Variants in TINAGL1 observed in about 807,000 individuals in gnomAD.
TINAGL1 encodes tubulointerstitial nephritis antigen like 1.
TINAGL1 carries 34 observed loss-of-function variants against 62.0 expected under a neutral mutation model. The ratio of observed to expected loss-of-function variants is 0.55; its 90% CI spans 0.42 to 0.73. The LOEUF (loss-of-function observed/expected upper bound fraction) is 0.73, where lower values mean the gene tolerates loss of function less well. Ranked by LOEUF, TINAGL1 falls within the 30% of genes least tolerant of loss-of-function variation. The pLI is 0.00. For synonymous variants in TINAGL1, 221 were observed against 249.7 expected (o/e 0.88, Z 1.08); for missense variants, 516 against 653.2 (o/e 0.79, Z 2.29).
At position 31,584,514 on chromosome 1, in the gene TINAGL1, C is replaced by T; in HGVS notation, c.583-164C>T. ...AGGCACTAAATGGTGCTTGGTTCTT[C>T]AACACAAGTCAAAATTGGAGGCAGC... On this transcript the variant is annotated intron_variant, in intron 5 of 11. Transcript: ENST00000271064. This position sits in a 1 kb window ranked among gnomAD's most constrained non-coding sequence, Gnocchi z 4.0. 9.1e-7 allele frequency: 1 copy of T among 1,095,142 alleles called. No homozygotes were observed. Among genetic ancestry groups the T allele is most frequent in the Non-Finnish European group, 1.3e-6 (1 of 767,224 alleles). The allele number at this position is 1,095,142 out of a possible 1,614,324, so 67.8% of individuals were successfully genotyped here. A position where few individuals can be genotyped will look rare whatever the true frequency, so the allele number is the denominator to read the frequency against.
intron 3 of TINAGL1, among the ~76,000 whole-genome samples, chr1:31,582,945 C>CAG (rs1330365722): frequency 6.6e-6 from 1 of 152,078 alleles, no homozygotes; most frequent in Admixed American, 6.5e-5. Flanking sequence ...GGTGTTCAGG[C>CAG]AGAGATCTGG....
At chr1:31,581,235 C>T (rs767748234) in intron 3 of TINAGL1, among the ~76,000 whole-genome samples, 5 of 151,780 alleles carry the variant, frequency 3.3e-5, no homozygotes, top group Non-Finnish European at 7.4e-5. Context: ...GTAGAGAGCA[C>T]ACGGTCTGAT....
At position 31,587,129 on chromosome 1, in the gene TINAGL1, C is replaced by G. The variant is rs1038649498; in HGVS notation, c.*150C>G. On this transcript the variant is annotated 3_prime_UTR_variant, in exon 12 of 12. Coordinates refer to ENST00000271064, the MANE Select transcript of TINAGL1 (RefSeq NM_022164.3). ...CTAATCCCGGCGCGGGTTCCGCTGA[C>G]GCAGCGCCCCGCCTGGGAGCCGCGG... The G allele has an allele frequency of 1.7e-6, 2 of 1,188,142 alleles. No homozygotes were observed. Among genetic ancestry groups the G allele is most frequent in the Admixed American group, 8.2e-5 (2 of 24,448 alleles). 73.6% of individuals were successfully genotyped at this position (1,188,142 alleles called of 1,614,324 possible).
At position 31,585,528 on chromosome 1, in the gene TINAGL1, C is replaced by G; in HGVS notation, c.1093+43C>G. 1.2e-6 allele frequency: 2 copies of G among 1,611,754 alleles called. No homozygotes were observed. The highest frequency in any genetic ancestry group is 1.7e-6 in the Non-Finnish European group (2 of 1,178,680). ...GCACCCTGGTTCCAGAAGCTTGTGC[C>G]TGCTTGAGAGTGGGCACAGTAGCAC... On this transcript the variant is annotated intron_variant, in intron 9 of 11. Transcript: ENST00000271064. This position sits in a 1 kb window ranked among gnomAD's most constrained non-coding sequence, Gnocchi z 4.3.
At position 31,577,463 on chromosome 1, in the gene TINAGL1, G is replaced by T; in HGVS notation, c.310+5G>T. 6.2e-7 allele frequency: 1 copy of T among 1,602,324 alleles called. No individual in the cohort carries two copies. The highest frequency in any genetic ancestry group is 8.5e-7 in the Non-Finnish European group (1 of 1,173,392). On this transcript the variant is annotated splice_donor_5th_base_variant and intron_variant, in intron 2 of 11. Coordinates refer to ENST00000271064, the MANE Select transcript of TINAGL1 (RefSeq NM_022164.3). The surrounding 1 kb of genome is among the most constrained non-coding windows in gnomAD (Gnocchi z 5.4). Reference sequence around the variant, plus strand: ...CCCCTTTTCCCCCGATCCAAGGTGGGCACTAAGATGGCCAGGAGGGTGGGT... The same window carrying T: ...CCCCTTTTCCCCCGATCCAAGGTGGTCACTAAGATGGCCAGGAGGGTGGGT...
chr1:31,586,560 T>G, intron 10 of TINAGL1, 150 bp from the exon 11 acceptor site: 1 of 830,900 alleles, frequency 1.2e-6, no homozygotes, highest in Non-Finnish European at 2.0e-6. Context: ...GTGAGGGAGA[T>G]GCAGAGAGGT....
intron 3 of TINAGL1, chr1:31,580,433 G>T (rs2148589790): frequency 3.1e-6 from 4 of 1,289,382 alleles, no homozygotes; most frequent in Middle Eastern, 2.1e-4. Context: ...GAGGGTGGGG[G>T]AGTGTCCAGG....
In TINAGL1 at chr1:31,577,523, A is replaced by C; in HGVS notation, c.310+65A>C. On this transcript the variant is annotated intron_variant, in intron 2 of 11. Transcript: ENST00000271064. The surrounding 1 kb of genome is among the most constrained non-coding windows in gnomAD (Gnocchi z 5.4). ...CACCTCAGACTCAGCAAGGCTCAAG[A>C]GCAAAGCTGATGGATGCACTGACAT... The C allele has an allele frequency of 6.6e-7, 1 of 1,511,412 alleles. No homozygotes were observed. Among genetic ancestry groups the C allele is most frequent in the Non-Finnish European group, 9.0e-7 (1 of 1,116,176 alleles). The allele number at this position is 1,511,412 out of a possible 1,614,324, so 93.6% of individuals were successfully genotyped here.
rs546978658 is a variant in TINAGL1 at position 31,584,992 on chromosome 1, C to T, written c.813C>T (p.Arg271=). ...SCDTHQQQGC[R]GGRLDGAWWF... ...ACACCCACCAGCAGCAGGGCTGCCG[C>T]GGTGGGCGTCTCGATGGTGCCTGGT... The change falls in exon 7 of 12, where the codon CGC becomes CGT. Residue 271 remains arginine (R), a synonymous_variant. Coordinates refer to ENST00000271064, the MANE Select transcript of TINAGL1 (RefSeq NM_022164.3). This position sits in a 1 kb window ranked among gnomAD's most constrained non-coding sequence, Gnocchi z 4.0. 2.9e-5 allele frequency: 46 copies of T among 1,610,842 alleles called. 1 individual carries two copies. In the East Asian group the frequency reaches 5.8e-4, roughly 20 times the overall value.
Position 31,585,797 on chromosome 1 carries a change from A to T in TINAGL1, c.1138A>T (p.Ile380Phe). The T allele has an allele frequency of 6.2e-7, 1 of 1,613,534 alleles. No homozygotes were observed. ...GGACTTCTTCCTATACAAGGGAGGCATCTACAGCCACACGCCAGTGAGCCT... is the reference window on the plus strand; with the variant it reads ...GGACTTCTTCCTATACAAGGGAGGCTTCTACAGCCACACGCCAGTGAGCCT... ...HEDFFLYKGG[I>F]YSHTPVSLGR... The change falls in exon 10 of 12, where the codon ATC (isoleucine) becomes TTC (phenylalanine). Residue 380 changes from isoleucine to phenylalanine, a missense_variant. Transcript: ENST00000271064. The surrounding 1 kb of genome is among the most constrained non-coding windows in gnomAD (Gnocchi z 4.3).
Position 31,585,210 on chromosome 1 carries a change from C to A in TINAGL1, c.917C>A (p.Ala306Glu), listed in dbSNP as rs1208603706. The change falls in exon 8 of 12, where the codon GCG becomes GAG. Residue 306 changes from alanine to glutamate, a missense_variant. Coordinates refer to ENST00000271064, the MANE Select transcript of TINAGL1 (RefSeq NM_022164.3). This position sits in a 1 kb window ranked among gnomAD's most constrained non-coding sequence, Gnocchi z 4.3. The part of the protein sequence containing the change: ...SGRERDEAGP[A>E]PPCMMHSRAM... The stretch of plus-strand genomic sequence containing the variant: ...CGTGAACGAGACGAGGCTGGCCCTG[C>A]GCCCCCCTGTATGATGCACAGCCGA... 2 of 1,610,908 alleles carry A rather than the reference C, an allele frequency of 1.2e-6. No homozygotes were observed. Among genetic ancestry groups the A allele is most frequent in the African/African-American group, 1.3e-5 (1 of 74,886 alleles).
Position 31,583,640 on chromosome 1 carries a change from C to T in TINAGL1, c.582+65C>T. On this transcript the variant is annotated intron_variant, in intron 5 of 11. Transcript: ENST00000271064. The surrounding 1 kb of genome is among the most constrained non-coding windows in gnomAD (Gnocchi z 4.4). The stretch of plus-strand genomic sequence containing the variant: ...GGCTCAGAACCTCAGGGATGCTGGC[C>T]CTGTGCCCTGCTCCTCCAAGGGCCT... 1 of 1,414,448 alleles carries T rather than the reference C, an allele frequency of 7.1e-7. No homozygotes were observed. The highest frequency in any genetic ancestry group is 9.7e-7 in the Non-Finnish European group (1 of 1,028,482). The allele number at this position is 1,414,448 out of a possible 1,614,324, so 87.6% of individuals were successfully genotyped here.
chr1:31,580,590 G>C (rs1206164405), intron 3 of TINAGL1: 1 of 1,289,264 alleles, frequency 7.8e-7, no homozygotes, highest in Non-Finnish European at 1.0e-6. Context: ...GCCCTCCCCA[G>C]CAGTGCCCCC....
intron 3 of TINAGL1, among the ~76,000 whole-genome samples, chr1:31,581,024 T>A (rs868131315): frequency 5.3e-5 from 8 of 152,184 alleles, no homozygotes; most frequent in African/African-American, 1.9e-4. Context: ...GGGACATTTA[T>A]GCTGAGACCA....
chr1:31,584,991 G>C lies in TINAGL1; in HGVS notation c.812G>C (p.Arg271Pro). The C allele has an allele frequency of 6.2e-7, 1 of 1,611,020 alleles. No homozygotes were observed. The highest frequency in any genetic ancestry group is 8.5e-7 in the Non-Finnish European group (1 of 1,177,576). ...GACACCCACCAGCAGCAGGGCTGCCGCGGTGGGCGTCTCGATGGTGCCTGG... is the reference window on the plus strand; with the variant it reads ...GACACCCACCAGCAGCAGGGCTGCCCCGGTGGGCGTCTCGATGGTGCCTGG... ...SCDTHQQQGC[R>P]GGRLDGAWWF... The change falls in exon 7 of 12, where the codon CGC becomes CCC. Residue 271 changes from arginine to proline, a missense_variant. By Grantham distance (103) the Arg-to-Pro change is moderately radical. Coordinates refer to ENST00000271064, the MANE Select transcript of TINAGL1 (RefSeq NM_022164.3). The surrounding 1 kb of genome is among the most constrained non-coding windows in gnomAD (Gnocchi z 4.0).
At chr1:31,579,076 T>C in intron 2 of TINAGL1, 128 bp from the exon 3 acceptor site, 1 of 711,442 alleles carries the variant, frequency 1.4e-6, no homozygotes, top group East Asian at 2.5e-5. Context: ...TGTGTGTGTG[T>C]GTGAGACAGA....
At chr1:31,581,525 T>A (rs1400390527) in intron 3 of TINAGL1, among the ~76,000 whole-genome samples, 2 of 152,094 alleles carry the variant, frequency 1.3e-5, no homozygotes, top group Non-Finnish European at 2.9e-5. Context: ...TTGAAGATGT[T>A]AGGAAAGAGC....
chr1:31,580,170 T>G (rs956140020), intron 3 of TINAGL1: 19 of 230,506 alleles, frequency 8.2e-5, no homozygotes, highest in Non-Finnish European at 1.3e-4. Context: ...GCGCTCTCTC[T>G]CTCTCTCTCT....
Position 31,578,498 on chromosome 1 carries a change from ATGTGTG to A in TINAGL1, c.311-693_311-688del, listed in dbSNP as rs71006310. On this transcript the variant is annotated intron_variant, in intron 2 of 11. Coordinates refer to ENST00000271064, the MANE Select transcript of TINAGL1 (RefSeq NM_022164.3). ...TAGTTTAATTTCAGTGAGAGCTGGT[ATGTGTG>A]TGTGTGTGTGTGATGTCTTCAGTTA... 1.2e-4 allele frequency among the ~76,000 whole-genome samples: 5 copies of A among 43,270 alleles called. No individual in the cohort carries two copies. In the South Asian group the frequency reaches 2.4e-3, roughly 21 times the overall value. The allele number at this position is 43,270 out of a possible 152,430, so 28.4% of individuals were successfully genotyped here.
Sources: gnomAD v4.1 joint callset for allele counts (sites outside exome capture counted in the v4.1 genomes callset) on GRCh38, gnomAD v4.1.1 for gene constraint, Gnocchi (gnomAD v3.1) non-coding constraint, MANE v1.5 for transcripts, NCBI Gene and HGNC (gene_info 2026-07-23, HGNC 2026-07-21) for gene names.